MYO5B: variants seen among roughly 807,000 people sequenced by gnomAD.
MYO5B encodes myosin VB.
In MYO5B, 143 loss-of-function variants were observed where a neutral mutation model predicts 229.3. That is an observed-to-expected ratio of 0.62 (90% CI 0.54 to 0.72). The LOEUF is 0.72. MYO5B is among the 30% of genes least tolerant of loss of function. The probability of loss-of-function intolerance (pLI) is 0.00; values close to 1 mark genes in which losing one functional copy is unlikely to be tolerated. For missense variants in MYO5B, 2,321 were observed against 2,331.0 expected (o/e 1.00, Z 0.09); for synonymous variants, 918 against 885.2 (o/e 1.04, Z -0.66).
At chr18:50,089,837 C>T (rs1446045524) in intron 1 of MYO5B, among the ~76,000 whole-genome samples, 2 of 152,118 alleles carry the variant, frequency 1.3e-5, no homozygotes, top group East Asian at 1.9e-4. Flanking sequence ...GTATTCCTGG[C>T]AACATGGCCA....
chr18:49,861,699 T>C (rs904920302), intron 29 of MYO5B, among the ~76,000 whole-genome samples: 5 of 152,170 alleles, frequency 3.3e-5, no homozygotes, highest in African/African-American at 9.7e-5. Flanking sequence ...TTCCGGATTC[T>C]ACCTTGACTC....
rs145948147 is a variant in MYO5B, at chr18:50,147,241, T to C, written c.27+47526A>G. 5.1e-3 allele frequency among the ~76,000 whole-genome samples: 780 copies of C among 152,156 alleles called. 9 individuals are homozygous for C. Among genetic ancestry groups the C allele is most frequent in the African/African-American group, 0.016 (658 of 41,512 alleles). ...CCACAGTGGCTTCTCTTCTTCCAAC[T>C]ACCCAAGTCAGGATCCTAGGAGTCA... On this transcript the variant is annotated intron_variant, in intron 1 of 39. Transcript: ENST00000285039.
At chr18:49,923,815 G>A (rs1454868970) in intron 17 of MYO5B, among the ~76,000 whole-genome samples, 4 of 152,156 alleles carry the variant, frequency 2.6e-5, no homozygotes, top group Non-Finnish European at 4.4e-5. Context: ...ACTGAGGGGG[G>A]TCCCAGAGGT....
At position 49,906,368 on chromosome 18, in the gene MYO5B, C is replaced by T. The variant is rs186250904; in HGVS notation, c.2414+51G>A. Reference sequence around the variant, plus strand: ...CCAAGTAGCTGAGAAAGGCAGACCCCCATCTTCCCCACCATGATCTGCTGC... The same window carrying T: ...CCAAGTAGCTGAGAAAGGCAGACCCTCATCTTCCCCACCATGATCTGCTGC... On this transcript the variant is annotated intron_variant, in intron 19 of 39. Transcript: ENST00000285039. The T allele has an allele frequency of 4.9e-5, 77 of 1,562,462 alleles. No individual in the cohort carries two copies. In the Admixed American group the frequency reaches 1.1e-3, roughly 23 times the overall value.
At chr18:49,994,729 G>T (rs1448099623) in intron 5 of MYO5B, among the ~76,000 whole-genome samples, 1 of 152,234 alleles carries the variant, frequency 6.6e-6, no homozygotes, top group Non-Finnish European at 1.5e-5. Flanking sequence ...CATCTTAGCA[G>T]AGGCCTCAGT....
At chr18:50,014,295 A>AC (rs68048097) in intron 4 of MYO5B, among the ~76,000 whole-genome samples, 1 of 13,830 alleles carries the variant, frequency 7.2e-5, no homozygotes, top group Non-Finnish European at 5.6e-4. Context: ...AAAAAAAAAA[A>AC]ACTACGGGTA....
intron 29 of MYO5B, among the ~76,000 whole-genome samples, chr18:49,857,438 C>T (rs2024275868): frequency 1.3e-5 from 2 of 152,246 alleles, no homozygotes; most frequent in South Asian, 4.1e-4. Context: ...CAGGCCCACC[C>T]AGGGTAAGGA....
At chr18:49,847,071 T>C (rs1163139721) in intron 33 of MYO5B, 75 bp downstream of exon 33, 3 of 1,570,204 alleles carry the variant, frequency 1.9e-6, no homozygotes, top group Admixed American at 3.4e-5. Flanking sequence ...GGTGTGGGGG[T>C]TGTGCTGGGG....
intron 4 of MYO5B, among the ~76,000 whole-genome samples, chr18:50,021,423 C>G (rs374085618): frequency 6.6e-5 from 10 of 152,314 alleles, no homozygotes; most frequent in African/African-American, 1.9e-4. Flanking sequence ...TTGGCCATCA[C>G]TCTACCTCTC....
chr18:50,058,563 C>A (rs1323277455), intron 1 of MYO5B, among the ~76,000 whole-genome samples: 2 of 152,162 alleles, frequency 1.3e-5, no homozygotes, highest in Non-Finnish European at 2.9e-5. Flanking sequence ...GTAATCCCAG[C>A]ACTTTGGGAG....
chr18:50,027,843 T>C (rs776092345), intron 4 of MYO5B, among the ~76,000 whole-genome samples: 1 of 152,074 alleles, frequency 6.6e-6, no homozygotes, highest in Non-Finnish European at 1.5e-5. Flanking sequence ...AAAGATAACA[T>C]TCACAAAATA....
chr18:49,908,563 C>T (rs542679074), intron 18 of MYO5B, among the ~76,000 whole-genome samples: 1 of 152,266 alleles, frequency 6.6e-6, no homozygotes, highest in South Asian at 2.1e-4. Flanking sequence ...TGCAGCATCC[C>T]CTTTCGTGAC....
chr18:49,827,947 T>C (rs79961166), intron 39 of MYO5B, among the ~76,000 whole-genome samples: 123 of 152,244 alleles, frequency 8.1e-4, no homozygotes, highest in East Asian at 5.8e-3. Flanking sequence ...ACTTGTCACA[T>C]ACAGTCATCC....
intron 14 of MYO5B, among the ~76,000 whole-genome samples, chr18:49,939,354 C>T (rs2025288660): frequency 6.6e-6 from 1 of 151,960 alleles, no homozygotes; most frequent in African/African-American, 2.4e-5. Flanking sequence ...CCATGTTGGC[C>T]AGGATGGTCT....
chr18:50,017,344 C>T (rs1252447071), intron 4 of MYO5B, among the ~76,000 whole-genome samples: 9 of 152,028 alleles, frequency 5.9e-5, no homozygotes, highest in Non-Finnish European at 1.3e-4. Flanking sequence ...AGGCTAATCT[C>T]GAACTCCTGA....
chr18:49,939,608 C>T (rs928571452), intron 14 of MYO5B, among the ~76,000 whole-genome samples: 2 of 152,176 alleles, frequency 1.3e-5, no homozygotes, highest in Non-Finnish European at 2.9e-5. Flanking sequence ...AAGGAACCTA[C>T]CGGAATCCTG....
chr18:49,967,851 C>A (rs770132878), intron 10 of MYO5B, among the ~76,000 whole-genome samples: 4 of 151,870 alleles, frequency 2.6e-5, no homozygotes, highest in Non-Finnish European at 5.9e-5. Flanking sequence ...TAGATGCCCC[C>A]ACCCAGGACT....
chr18:49,876,173 C>T (rs1397548354), intron 25 of MYO5B: 1 of 363,738 alleles, frequency 2.7e-6, no homozygotes, highest in Non-Finnish European at 5.3e-6. Flanking sequence ...AAAATGGTCT[C>T]ACACCAGAGA....
Position 49,953,442 on chromosome 18 carries a change from G to A in MYO5B, c.1669-99C>T, listed in dbSNP as rs972156260. ...CAGGTAGCATTTTCTGAAAAGAGCT[G>A]TGAGTAGATAGGAAACCCACAGATG... On this transcript the variant is annotated intron_variant, in intron 13 of 39. Transcript: ENST00000285039. 4.8e-6 allele frequency: 5 copies of A among 1,039,562 alleles called. No individual in the cohort carries two copies. The South Asian group carries it at 5.2e-5, about 11-fold the overall frequency. 64.4% of individuals were successfully genotyped at this position (1,039,562 alleles called of 1,614,324 possible). A position where few individuals can be genotyped will look rare whatever the true frequency, so the allele number is the denominator to read the frequency against.
Sources: allele counts gnomAD v4.1 joint callset (sites outside exome capture counted in the v4.1 genomes callset), GRCh38; gene constraint gnomAD v4.1.1; transcripts MANE v1.5; gene names NCBI Gene and HGNC (gene_info 2026-07-23, HGNC 2026-07-21).